Variants in DNAH17 observed in about 807,000 individuals in gnomAD.
DNAH17 encodes dynein axonemal heavy chain 17, also known as axonemal beta dynein heavy chain 17.
In DNAH17, 376 loss-of-function variants were observed where a neutral mutation model predicts 485.6. The observed-to-expected ratio is 0.77, with a 90% confidence interval of 0.71 to 0.84. The LOEUF is 0.84. Among genes scored for constraint, DNAH17 ranks in the 40% least tolerant of loss-of-function variants. DNAH17 has a pLI of 0.00. For synonymous variants in DNAH17, 3,031 were observed against 2,405.9 expected, an observed-to-expected ratio of 1.26 and a Z score of -7.60; for missense variants, 6,370 against 5,839.3, an observed-to-expected ratio of 1.09 and a Z score of -2.96.
chr17:78,459,201 G>A lies in DNAH17; in HGVS notation c.9661C>T (p.Gln3221Ter), dbSNP rs2087964531. Residue 3221 changes from glutamine (Q) to a stop codon, truncating the protein, a stop_gained, in exon 61 of 81, where the codon CAA becomes TAA. Coordinates refer to ENST00000389840, the MANE Select transcript of DNAH17 (RefSeq NM_173628.4). LOFTEE classifies it high-confidence loss of function. Reference protein sequence around the residue: ...EACLKAFKPYQGNPTFDPEFI... With the variant: ...EACLKAFKPY ...TCGGGGTCGAACGTCGGGTTGCCTT[G>A]GTAGGGCCTAGCGAGGGAACCAGAG... 6.2e-6 allele frequency: 10 copies of A among 1,613,802 alleles called. No homozygotes were observed. Among genetic ancestry groups the A allele is most frequent in the East Asian group, 2.2e-5 (1 of 44,880 alleles).
rs566749436 is a variant in DNAH17 at position 78,511,039 on chromosome 17, G to A, written c.4114-533C>T. 7.2e-5 allele frequency among the ~76,000 whole-genome samples: 11 copies of A among 152,348 alleles called. No homozygotes were observed. In the East Asian group the frequency reaches 1.5e-3, roughly 21 times the overall value. On this transcript the variant is annotated intron_variant, in intron 26 of 80. Transcript: ENST00000389840. ...GAGGCAGGAAGGACCCTCCCCCGGA[G>A]CCTCTAGAAGGAGTGCAGCCTGCTG...
chr17:78,503,499 T>A (rs971907200), intron 31 of DNAH17, among the ~76,000 whole-genome samples: 8 of 151,930 alleles, frequency 5.3e-5, no homozygotes, highest in Non-Finnish European at 1.2e-4. Flanking sequence ...ATTTTCTTCT[T>A]AAATTGAGAT....
intron 52 of DNAH17, 120 bp from the exon 53 acceptor site, chr17:78,475,953 C>A: frequency 1.7e-6 from 2 of 1,182,364 alleles, no homozygotes; most frequent in Non-Finnish European, 2.3e-6. Context: ...GGTCCCAGGC[C>A]AAGTCTCCAG....
intron 51 of DNAH17, 178 bp downstream of exon 51, chr17:78,478,847 C>T (rs762997380): frequency 1.7e-6 from 1 of 592,430 alleles, no homozygotes; most frequent in Non-Finnish European, 3.0e-6. Flanking sequence ...CCATTACCAC[C>T]ATCACTACCA....
In DNAH17 at chr17:78,433,941, G is replaced by GAGGGAGGGAAGGAGGGAGGGAAGT. The variant is rs2086773091; in HGVS notation, c.12225+87_12225+88insACTTCCCTCCCTCCTTCCCTCCCT. 4 of 945,526 alleles carry GAGGGAGGGAAGGAGGGAGGGAAGT rather than the reference G, an allele frequency of 4.2e-6. No homozygotes were observed. The African/African-American group carries it at 9.0e-5, about 21-fold the overall frequency. The allele number at this position is 945,526 out of a possible 1,614,324, so 58.6% of individuals were successfully genotyped here. A position where few individuals can be genotyped will look rare whatever the true frequency, so the allele number is the denominator to read the frequency against. On this transcript the variant is annotated intron_variant, in intron 75 of 80. Transcript: ENST00000389840. ...GGAGGGAAGGAAGGAGGGAGGGAAG[G>GAGGGAGGGAAGGAGGGAGGGAAGT]AGGGAGGGAAGGAGGGAGGGAAGGA...
intron 75 of DNAH17, among the ~76,000 whole-genome samples, chr17:78,431,398 G>A (rs990523605): frequency 6.6e-6 from 1 of 151,836 alleles, no homozygotes; most frequent in African/African-American, 2.4e-5. Context: ...GTTGCTTCCC[G>A]CAGGGGGTGG....
At chr17:78,429,094 A>G in intron 76 of DNAH17, 27 bp downstream of exon 76, 1 of 1,604,522 alleles carries the variant, frequency 6.2e-7, no homozygotes, top group African/African-American at 1.3e-5. Flanking sequence ...CATTACGTTG[A>G]GCTCCTGTTT....
At chr17:78,456,344 G>A (rs1264334610) in intron 62 of DNAH17, among the ~76,000 whole-genome samples, 1 of 152,070 alleles carries the variant, frequency 6.6e-6, no homozygotes, top group African/African-American at 2.4e-5. Context: ...AAAACTCCTT[G>A]GCAGCCCTTA....
intron 69 of DNAH17, 54 bp downstream of exon 69, chr17:78,449,360 C>T: frequency 6.6e-7 from 1 of 1,507,324 alleles, no homozygotes; most frequent in South Asian, 1.2e-5. Flanking sequence ...TCCCAGGGGT[C>T]AGTGACACCG....
chr17:78,446,700 G>A (rs1302766194), intron 69 of DNAH17, among the ~76,000 whole-genome samples: 1 of 152,190 alleles, frequency 6.6e-6, no homozygotes, highest in Non-Finnish European at 1.5e-5. Flanking sequence ...CTGGAGCGCA[G>A]TAGCGCAATC....
rs1471878203 is a variant in DNAH17, at chr17:78,525,168, G to T, written c.3712-7C>A. On this transcript the variant is annotated splice_polypyrimidine_tract_variant and splice_region_variant and intron_variant, in intron 24 of 80. Coordinates refer to ENST00000389840, the MANE Select transcript of DNAH17 (RefSeq NM_173628.4). ...CGGAGATGCTCTTTTGTTGCTAGGGGCGGCGAGGGGGCCGTCAGTAGGGCT... is the reference window on the plus strand; with the variant it reads ...CGGAGATGCTCTTTTGTTGCTAGGGTCGGCGAGGGGGCCGTCAGTAGGGCT... The T allele has an allele frequency of 1.2e-6, 2 of 1,611,066 alleles. No homozygotes were observed. Among genetic ancestry groups the T allele is most frequent in the South Asian group, 2.2e-5 (2 of 91,048 alleles).
chr17:78,456,026 G>A (rs562683538), intron 62 of DNAH17, among the ~76,000 whole-genome samples, 190 bp from the exon 63 acceptor site: 3 of 152,296 alleles, frequency 2.0e-5, no homozygotes, highest in East Asian at 3.9e-4. Flanking sequence ...GTGGCCGGGC[G>A]TGGTGGTCAT....
chr17:78,529,514 G>A lies in DNAH17; in HGVS notation c.3465C>T (p.Thr1155=), dbSNP rs2091171488. The change falls in exon 22 of 81, where the codon ACC becomes ACT. Residue 1155 remains threonine, a synonymous_variant. Coordinates refer to ENST00000389840, the MANE Select transcript of DNAH17 (RefSeq NM_173628.4). ...TCTCCTCTGGCATCTCCTCCCCGTA[G>A]GTCTTGAGCAGCTCGATGGTTTGCT... ...PLKQTIELLK[T]YGEEMPEEIH... The A allele has an allele frequency of 6.2e-7, 1 of 1,613,932 alleles. No homozygotes were observed. The highest frequency in any genetic ancestry group is 8.5e-7 in the Non-Finnish European group (1 of 1,179,892).
chr17:78,529,857 G>A (rs1406206820), intron 21 of DNAH17, among the ~76,000 whole-genome samples, 163 bp from the exon 22 acceptor site: 1 of 152,120 alleles, frequency 6.6e-6, no homozygotes, highest in African/African-American at 2.4e-5. Context: ...GATCCCTCCA[G>A]CTCACTCAGC....
At chr17:78,561,015 G>A (rs951778540) in intron 12 of DNAH17, 80 bp from the exon 13 acceptor site, 44 of 1,383,400 alleles carry the variant, frequency 3.2e-5, no homozygotes, top group East Asian at 2.3e-4. Flanking sequence ...GTTGCTGCCC[G>A]ATCTGGGGTG....
chr17:78,445,831 T>G (rs568068115), intron 69 of DNAH17, among the ~76,000 whole-genome samples, 151 bp from the exon 70 acceptor site: 6 of 152,328 alleles, frequency 3.9e-5, no homozygotes, highest in Admixed American at 3.3e-4. Flanking sequence ...AGTTTTGTCT[T>G]CACCTCGTCT....
chr17:78,506,171 C>CA (rs893631428), intron 30 of DNAH17, among the ~76,000 whole-genome samples: 1 of 131,554 alleles, frequency 7.6e-6, no homozygotes, highest in African/African-American at 2.9e-5. Flanking sequence ...GACAGAGTCT[C>CA]ACTCTGTCGC....
In DNAH17 at chr17:78,476,594, G is replaced by C. The variant is rs199765397; in HGVS notation, c.8132C>G (p.Ala2711Gly). The C allele has an allele frequency of 1.5e-4, 239 of 1,610,782 alleles. 4 individuals are homozygous for C. The African/African-American group carries it at 2.6e-3, about 18-fold the overall frequency. Residue 2711 changes from alanine to glycine, a missense_variant, in exon 52 of 81, where the codon GCC becomes GGC. Physicochemically the swap from Ala to Gly is moderately conservative, Grantham distance 60. Coordinates refer to ENST00000389840, the MANE Select transcript of DNAH17 (RefSeq NM_173628.4). Reference protein sequence around the residue: ...DQETLHRVTMASTKKFFDDLG... With the variant: ...DQETLHRVTMGSTKKFFDDLG... ...TACATCAAAGAACTTCTTGGTGGAG[G>C]CCATGGTGACTCTATGCAATGTTTC...
At chr17:78,509,582 A>T (rs1439129763) in intron 27 of DNAH17, among the ~76,000 whole-genome samples, 2 of 152,188 alleles carry the variant, frequency 1.3e-5, no homozygotes, top group African/African-American at 4.8e-5. Context: ...CAAACTCACA[A>T]AACAGGCTGA....
Sources: allele counts gnomAD v4.1 joint callset (sites outside exome capture counted in the v4.1 genomes callset), GRCh38; gene constraint gnomAD v4.1.1; transcripts MANE v1.5; gene names NCBI Gene and HGNC (gene_info 2026-07-23, HGNC 2026-07-21).